Variants in KCNJ3 observed in about 807,000 individuals in gnomAD.
KCNJ3 encodes the protein G protein-activated inward rectifier potassium channel 1.
A neutral mutation model predicts 39.2 loss-of-function variants in KCNJ3; 4 were observed. The ratio of observed to expected loss-of-function variants is 0.10; its 90% CI spans 0.05 to 0.23. KCNJ3 has a LOEUF of 0.23. Ranked by LOEUF, KCNJ3 falls within the 10% of genes least tolerant of loss-of-function variation. The pLI is 1.00. For missense variants in KCNJ3, 276 were observed against 634.9 expected (o/e 0.43, Z 6.08); for synonymous variants, 230 against 237.4 (o/e 0.97, Z 0.29).
At chr2:154,824,823 A>G (rs1687241913) in intron 2 of KCNJ3, among the ~76,000 whole-genome samples, 2 of 152,330 alleles carry the variant, frequency 1.3e-5, no homozygotes, top group Non-Finnish European at 1.5e-5. Flanking sequence ...GCTTATATAA[A>G]AAAACACATT....
chr2:154,811,613 G>A (rs1269784290), intron 2 of KCNJ3, among the ~76,000 whole-genome samples: 1 of 152,076 alleles, frequency 6.6e-6, no homozygotes, highest in African/African-American at 2.4e-5. Flanking sequence ...TTTCTTAGAG[G>A]GGGAAACTTT....
chr2:154,771,288 T>A (rs560195336), intron 2 of KCNJ3, among the ~76,000 whole-genome samples: 5 of 152,322 alleles, frequency 3.3e-5, no homozygotes, highest in Non-Finnish European at 5.9e-5. Flanking sequence ...AAAACAGGGC[T>A]TTTTAATCAA....
chr2:154,746,594 G>A (rs1685745679), intron 2 of KCNJ3, among the ~76,000 whole-genome samples: 1 of 148,100 alleles, frequency 6.8e-6, no homozygotes, highest in Admixed American at 6.8e-5. Context: ...CTGTATGTGT[G>A]TGTGCGTATA....
intron 2 of KCNJ3, among the ~76,000 whole-genome samples, chr2:154,738,813 AT>A (rs962470247): frequency 7.3e-5 from 11 of 151,408 alleles, no homozygotes; most frequent in South Asian, 2.1e-4. Context: ...CAATTAAGCA[AT>A]TTTTTTTTCA....
At chr2:154,853,958 T>C (rs760707627) in intron 2 of KCNJ3, among the ~76,000 whole-genome samples, 1 of 152,186 alleles carries the variant, frequency 6.6e-6, no homozygotes, top group Non-Finnish European at 1.5e-5. Flanking sequence ...TTTTAGCATA[T>C]GGATTTCTGA....
chr2:154,774,388 T>G (rs1558870773), intron 2 of KCNJ3, among the ~76,000 whole-genome samples: 1 of 151,480 alleles, frequency 6.6e-6, no homozygotes, highest in African/African-American at 2.4e-5. Context: ...TTGCATTGCT[T>G]CAAGTGTTTT....
chr2:154,823,474 T>C (rs1687218369), intron 2 of KCNJ3, among the ~76,000 whole-genome samples: 1 of 152,034 alleles, frequency 6.6e-6, no homozygotes, highest in African/African-American at 2.4e-5. Context: ...ATTTATTCAG[T>C]TTTTTATCTC....
At chr2:154,758,448 C>T (rs1206535644) in intron 2 of KCNJ3, among the ~76,000 whole-genome samples, 1 of 152,130 alleles carries the variant, frequency 6.6e-6, no homozygotes, top group Admixed American at 6.6e-5. Flanking sequence ...AACCTGTGCA[C>T]ATCCTCCTAT....
At chr2:154,744,951 A>T (rs1052289765) in intron 2 of KCNJ3, among the ~76,000 whole-genome samples, 1 of 151,790 alleles carries the variant, frequency 6.6e-6, no homozygotes, top group Non-Finnish European at 1.5e-5. Flanking sequence ...AGTTTAAGGT[A>T]TTTTTTATTT....
At chr2:154,782,816 C>T (rs1422914684) in intron 2 of KCNJ3, among the ~76,000 whole-genome samples, 3 of 151,986 alleles carry the variant, frequency 2.0e-5, no homozygotes, top group Non-Finnish European at 2.9e-5. Context: ...AAAGAAGACT[C>T]GGGTTAAAAT....
chr2:154,768,767 T>G (rs1686180318), intron 2 of KCNJ3, among the ~76,000 whole-genome samples: 1 of 152,214 alleles, frequency 6.6e-6, no homozygotes, highest in Non-Finnish European at 1.5e-5. Context: ...AATCTATAAA[T>G]TACCTCAGGA....
chr2:154,719,296 T>C (rs958856992), intron 2 of KCNJ3, among the ~76,000 whole-genome samples: 1 of 152,132 alleles, frequency 6.6e-6, no homozygotes, highest in Non-Finnish European at 1.5e-5. Flanking sequence ...CTGCAATAGC[T>C]TGACTTAACC....
At chr2:154,751,264 C>A (rs2105181787) in intron 2 of KCNJ3, among the ~76,000 whole-genome samples, 1 of 152,072 alleles carries the variant, frequency 6.6e-6, no homozygotes, top group African/African-American at 2.4e-5. Flanking sequence ...ATATGCTATA[C>A]ATTTTCTTCT....
chr2:154,712,121 G>C (rs1574430711), intron 2 of KCNJ3, among the ~76,000 whole-genome samples: 1 of 152,230 alleles, frequency 6.6e-6, no homozygotes, highest in African/African-American at 2.4e-5. Context: ...CTGACATTTT[G>C]TTTGTGTGTA....
intron 2 of KCNJ3, among the ~76,000 whole-genome samples, chr2:154,808,172 C>T (rs569301423): frequency 1.3e-5 from 2 of 151,838 alleles, no homozygotes; most frequent in African/African-American, 4.8e-5. Flanking sequence ...CCTCTGCCTC[C>T]CAGGTTCAGG....
At chr2:154,837,923 T>G (rs1464714771) in intron 2 of KCNJ3, among the ~76,000 whole-genome samples, 1 of 152,220 alleles carries the variant, frequency 6.6e-6, no homozygotes, top group African/African-American at 2.4e-5. Flanking sequence ...ATTCTTCACT[T>G]TATTGTTATA....
intron 2 of KCNJ3, among the ~76,000 whole-genome samples, chr2:154,721,463 G>T (rs577154108): frequency 6.6e-6 from 1 of 152,130 alleles, no homozygotes; most frequent in African/African-American, 2.4e-5. Flanking sequence ...TAGACCAGTA[G>T]TACAAATGCC....
At chr2:154,728,497 A>G (rs1685397721) in intron 2 of KCNJ3, among the ~76,000 whole-genome samples, 1 of 152,156 alleles carries the variant, frequency 6.6e-6, no homozygotes, top group African/African-American at 2.4e-5. Flanking sequence ...TTAATATACT[A>G]CAGGCTTGGT....
chr2:154,836,479 G>A lies in KCNJ3; in HGVS notation c.920-18248G>A, dbSNP rs568553353. Among the ~76,000 whole-genome samples the A allele has an allele frequency of 5.3e-5, 8 of 151,996 alleles. No individual in the cohort carries two copies. The East Asian group carries it at 1.5e-3, about 29-fold the overall frequency. On this transcript the variant is annotated intron_variant, in intron 2 of 2. Transcript: ENST00000295101. ...TACATGTAAGGAAATGAGAAGCCAT[G>A]TAGTTTAGGAAACTTTTAATAATGT...
Sources: allele counts gnomAD v4.1 joint callset (sites outside exome capture counted in the v4.1 genomes callset), GRCh38; gene constraint gnomAD v4.1.1; transcripts MANE v1.5; gene names NCBI Gene and HGNC (gene_info 2026-07-23, HGNC 2026-07-21).